CTNNA3: variants seen among roughly 807,000 people sequenced by gnomAD.
CTNNA3 encodes the protein catenin alpha 3.
A neutral mutation model predicts 95.7 loss-of-function variants in CTNNA3; 76 were observed. The ratio of observed to expected loss-of-function variants is 0.79; its 90% CI spans 0.66 to 0.96. CTNNA3 has a LOEUF of 0.96. CTNNA3 is among the 40% of genes least tolerant of loss of function. The pLI is 0.00. For missense variants in CTNNA3, 1,191 were observed against 1,089.8 expected, an observed-to-expected ratio of 1.09 and a Z score of -1.31; for synonymous variants, 431 against 374.4, an observed-to-expected ratio of 1.15 and a Z score of -1.74.
At chr10:67,470,368 C>T (rs1196698588) in intron 5 of CTNNA3, among the ~76,000 whole-genome samples, 1 of 152,146 alleles carries the variant, frequency 6.6e-6, no homozygotes, top group Non-Finnish European at 1.5e-5. Context: ...ACTTAGGCTG[C>T]TTCCAAATCT....
At chr10:66,325,941 T>G (rs1278896875) in intron 12 of CTNNA3, among the ~76,000 whole-genome samples, 1 of 152,134 alleles carries the variant, frequency 6.6e-6, no homozygotes, top group African/African-American at 2.4e-5. Context: ...AAAATCACAC[T>G]TAACCATGCA....
intron 5 of CTNNA3, among the ~76,000 whole-genome samples, chr10:67,441,314 A>G (rs963891815): frequency 6.6e-6 from 1 of 152,178 alleles, no homozygotes; most frequent in Middle Eastern, 3.4e-3. Context: ...CAAGATCTAG[A>G]AAATAGCCTC....
intron 7 of CTNNA3, among the ~76,000 whole-genome samples, chr10:66,963,300 C>T (rs906190618): frequency 2.0e-5 from 3 of 152,154 alleles, no homozygotes; most frequent in Admixed American, 6.5e-5. Flanking sequence ...ACCTCTGCAA[C>T]TTGTGAGCTG....
chr10:66,370,954 T>C (rs750065871), intron 12 of CTNNA3, among the ~76,000 whole-genome samples: 1 of 151,976 alleles, frequency 6.6e-6, no homozygotes, highest in Non-Finnish European at 1.5e-5. Flanking sequence ...AACACTTGGG[T>C]TCAAGCAGTC....
At chr10:67,088,088 TGA>T (rs1181875183) in intron 7 of CTNNA3, among the ~76,000 whole-genome samples, 1 of 150,314 alleles carries the variant, frequency 6.7e-6, no homozygotes, top group Non-Finnish European at 1.5e-5. Context: ...AGAACAAGAG[TGA>T]GAGAGTAAGT....
intron 7 of CTNNA3, among the ~76,000 whole-genome samples, chr10:67,093,400 T>G (rs1434792486): frequency 6.6e-6 from 1 of 151,746 alleles, no homozygotes; most frequent in Non-Finnish European, 1.5e-5. Flanking sequence ...CACCCTAATC[T>G]CAGGAGAGAC....
intron 7 of CTNNA3, among the ~76,000 whole-genome samples, chr10:66,885,422 T>C (rs908582966): frequency 2.7e-5 from 4 of 150,490 alleles, no homozygotes; most frequent in African/African-American, 9.7e-5. Flanking sequence ...TGAGCAACCA[T>C]ATCCTCCTGC....
At chr10:67,379,845 C>T (rs374636706) in intron 5 of CTNNA3, among the ~76,000 whole-genome samples, 1 of 151,616 alleles carries the variant, frequency 6.6e-6, no homozygotes, top group African/African-American at 2.4e-5. Context: ...AACGGTGAAA[C>T]CCCGTCTCTA....
At chr10:66,508,129 C>T (rs535415774) in intron 11 of CTNNA3, among the ~76,000 whole-genome samples, 3 of 149,472 alleles carry the variant, frequency 2.0e-5, no homozygotes, top group Non-Finnish European at 4.4e-5. Context: ...TTCTTACAAT[C>T]TGATCCAATC....
chr10:66,504,231 T>C (rs984204649), intron 11 of CTNNA3, among the ~76,000 whole-genome samples: 2 of 152,150 alleles, frequency 1.3e-5, no homozygotes. Context: ...CAGTCCTTGG[T>C]AACCACTATT....
chr10:67,374,931 C>T (rs1843633438), intron 5 of CTNNA3, among the ~76,000 whole-genome samples: 1 of 152,088 alleles, frequency 6.6e-6, no homozygotes, highest in African/African-American at 2.4e-5. Context: ...AAGAACACAA[C>T]TCCAAAATGA....
rs370872912 is a variant in CTNNA3, at chr10:66,698,847, G to C, written c.1281+67417C>G. 2.6e-5 allele frequency among the ~76,000 whole-genome samples: 4 copies of C among 152,120 alleles called. No individual in the cohort carries two copies. The South Asian group carries it at 8.3e-4, about 32-fold the overall frequency. ...ACAAAACATCCAAGAAACTCATCAA[G>C]ATTTATGCTTCAAGCAATGTCCTAA... On this transcript the variant is annotated intron_variant, in intron 9 of 17. Coordinates refer to ENST00000433211, the MANE Select transcript of CTNNA3 (RefSeq NM_013266.4).
chr10:66,124,137 T>C (rs1211771017), intron 13 of CTNNA3, among the ~76,000 whole-genome samples: 1 of 152,054 alleles, frequency 6.6e-6, no homozygotes, highest in African/African-American at 2.4e-5. Context: ...GCTTCTCTTA[T>C]ATAACTGAAT....
At position 67,729,058 on chromosome 10, in the gene CTNNA3, T is replaced by C. The variant is rs558495756; in HGVS notation, c.-2+34376A>G. On this transcript the variant is annotated intron_variant, in intron 1 of 17. Transcript: ENST00000684154. ...AGGAATTTGAAGGCAGTCTAATTTT[T>C]TAAATTACACTTTTAATTTTTAAAA... is the stretch of plus-strand genomic sequence containing the variant. Among the ~76,000 whole-genome samples the C allele has an allele frequency of 5.9e-5, 9 of 152,270 alleles. No individual in the cohort carries two copies. The East Asian group carries it at 1.7e-3, about 29-fold the overall frequency.
At chr10:66,031,480 C>A (rs1245335730) in intron 15 of CTNNA3, among the ~76,000 whole-genome samples, 1 of 152,130 alleles carries the variant, frequency 6.6e-6, no homozygotes, top group Non-Finnish European at 1.5e-5. Context: ...CACATGCTTT[C>A]ACTTATAAGT....
intron 7 of CTNNA3, among the ~76,000 whole-genome samples, chr10:67,036,260 C>T (rs1227578996): frequency 6.6e-6 from 1 of 151,848 alleles, no homozygotes; most frequent in East Asian, 1.9e-4. Context: ...TCAAGAGATC[C>T]TCCACCACAC....
chr10:66,996,687 T>A (rs1241123105), intron 7 of CTNNA3, among the ~76,000 whole-genome samples: 10 of 136,484 alleles, frequency 7.3e-5, no homozygotes, highest in South Asian at 2.4e-4. Context: ...TTTGTGTCAA[T>A]CACTTATGTG....
At chr10:66,223,712 T>G (rs965496383) in intron 13 of CTNNA3, among the ~76,000 whole-genome samples, 1 of 152,202 alleles carries the variant, frequency 6.6e-6, no homozygotes, top group Admixed American at 6.5e-5. Flanking sequence ...TAATATTTAG[T>G]GGTATGACCA....
chr10:66,986,398 G>C (rs1475860907), intron 7 of CTNNA3, among the ~76,000 whole-genome samples: 1 of 152,120 alleles, frequency 6.6e-6, no homozygotes, highest in Non-Finnish European at 1.5e-5. Context: ...TCTGGAGGCT[G>C]AGACAGGAGA....
Sources: allele counts gnomAD v4.1 joint callset (sites outside exome capture counted in the v4.1 genomes callset), GRCh38; gene constraint gnomAD v4.1.1; transcripts MANE v1.5; gene names NCBI Gene and HGNC (gene_info 2026-07-23, HGNC 2026-07-21).